The following KDM5A variants were observed in gnomAD, a reference collection of about 807,000 sequenced individuals.
KDM5A encodes lysine demethylase 5A, also known as lysine-specific demethylase 5A.
A neutral mutation model predicts 193.5 loss-of-function variants in KDM5A; 42 were observed. That is an observed-to-expected ratio of 0.22 (90% confidence interval 0.17 to 0.28). The LOEUF is 0.28. Ranked by LOEUF, KDM5A falls within the 10% of genes least tolerant of loss-of-function variation. The pLI, the probability that KDM5A is intolerant of heterozygous loss-of-function variation, is 1.00. For missense variants in KDM5A, 1,692 were observed against 2,055.1 expected, an observed-to-expected ratio of 0.82 and a Z score of 3.42; for synonymous variants, 796 against 718.1, an observed-to-expected ratio of 1.11 and a Z score of -1.73.
At position 306,378 on chromosome 12, in the gene KDM5A, C is replaced by T. The variant is rs1289052547; in HGVS notation, c.4074+568G>A. On this transcript the variant is annotated intron_variant, in intron 24 of 27. Transcript: ENST00000399788. ...CAAGAAAGCTTTACATATTGTTTTT[C>T]TAGTTCCTCTAAGCCATAAGGGATT... Among the ~76,000 whole-genome samples, 5 of 152,154 alleles carry T rather than the reference C, an allele frequency of 3.3e-5. No individual in the cohort carries two copies. The East Asian group carries it at 9.6e-4, about 29-fold the overall frequency.
intron 10 of KDM5A, among the ~76,000 whole-genome samples, chr12:348,962 A>G (rs1281265243): frequency 7.0e-6 from 1 of 142,838 alleles, no homozygotes; most frequent in African/African-American, 2.6e-5. Flanking sequence ...TTATAGGGGG[A>G]AAAAACACGC....
intron 1 of KDM5A, 137 bp downstream of exon 1, chr12:388,790 C>G (rs1944682958): frequency 8.9e-7 from 1 of 1,127,474 alleles, no homozygotes; most frequent in African/African-American, 1.5e-5. Context: ...GAGGCAAAAA[C>G]ATCCAGAAAC....
rs187373979 is a variant in KDM5A at position 280,138 on chromosome 12, T to G, written c.*5318A>C. 1.3e-5 allele frequency: 3 copies of G among 230,988 alleles called. No homozygotes were observed. In the South Asian group the frequency reaches 5.5e-4, roughly 42 times the overall value. The allele number at this position is 230,988 out of a possible 1,614,324, so 14.3% of individuals were successfully genotyped here. ...TACAAGTGAGAAGGGGTGAAGAGAG[T>G]GAAATTCCAAAATCACTCTAGTTTA... On this transcript the variant is annotated 3_prime_UTR_variant, in exon 28 of 28. Coordinates refer to ENST00000399788, the MANE Select transcript of KDM5A (RefSeq NM_001042603.3).
intron 8 of KDM5A, 78 bp from the exon 9 acceptor site, chr12:352,402 C>A (rs1454831384): frequency 4.6e-6 from 6 of 1,313,158 alleles, no homozygotes; most frequent in Admixed American, 1.7e-5. Flanking sequence ...TTACTAAATT[C>A]TTTGATCATT....
At chr12:378,008 T>C (rs1012634893) in intron 3 of KDM5A, among the ~76,000 whole-genome samples, 3 of 152,214 alleles carry the variant, frequency 2.0e-5, no homozygotes, top group African/African-American at 7.2e-5. Context: ...TAATAAAAAT[T>C]AATGTAACTA....
At chr12:322,333 G>C (rs562976913) in intron 17 of KDM5A, 84 bp downstream of exon 17, 2 of 1,270,132 alleles carry the variant, frequency 1.6e-6, no homozygotes, top group Admixed American at 3.7e-5. Context: ...GATAATGTAC[G>C]GCTTCACAGG....
chr12:307,373 A>G lies in KDM5A; in HGVS notation c.3930+81T>C. ...CAAGTTACTGTTATTTTCCTAATCAATTGGTAAGACAGACTCAATTTACTA... is the reference window on the plus strand; with the variant it reads ...CAAGTTACTGTTATTTTCCTAATCAGTTGGTAAGACAGACTCAATTTACTA... On this transcript the variant is annotated intron_variant, in intron 23 of 27. Coordinates refer to ENST00000399788, the MANE Select transcript of KDM5A (RefSeq NM_001042603.3). This position sits in a 1 kb window ranked among gnomAD's most constrained non-coding sequence, Gnocchi z 4.3. 1 of 1,428,206 alleles carries G rather than the reference A, an allele frequency of 7.0e-7. No individual in the cohort carries two copies. The highest frequency in any genetic ancestry group is 9.8e-7 in the Non-Finnish European group (1 of 1,015,378). The allele number at this position is 1,428,206 out of a possible 1,614,324, so 88.5% of individuals were successfully genotyped here. A position where few individuals can be genotyped will look rare whatever the true frequency, so the allele number is the denominator to read the frequency against.
intron 10 of KDM5A, among the ~76,000 whole-genome samples, chr12:338,652 G>A (rs954229569): frequency 1.3e-5 from 2 of 152,150 alleles, no homozygotes; most frequent in South Asian, 4.1e-4. Flanking sequence ...ATACAACATC[G>A]ATATACAACC....
Position 284,822 on chromosome 12 carries a change from A to C in KDM5A, c.*634T>G, listed in dbSNP as rs1214341787. Reference sequence around the variant, plus strand: ...ATCCTCATCTTACAAAGATAAGGTGACCTGCCCCAGCTTGTGAGAGGTTCT... The same window carrying C: ...ATCCTCATCTTACAAAGATAAGGTGCCCTGCCCCAGCTTGTGAGAGGTTCT... On this transcript the variant is annotated 3_prime_UTR_variant, in exon 28 of 28. Coordinates refer to ENST00000399788, the MANE Select transcript of KDM5A (RefSeq NM_001042603.3). The C allele has an allele frequency of 4.3e-6, 1 of 233,944 alleles. No individual in the cohort carries two copies. The highest frequency in any genetic ancestry group is 8.4e-6 in the Non-Finnish European group (1 of 118,514). The allele number at this position is 233,944 out of a possible 1,614,324, so 14.5% of individuals were successfully genotyped here.
intron 8 of KDM5A, among the ~76,000 whole-genome samples, chr12:353,759 T>TA (rs1269644147): frequency 6.6e-6 from 1 of 151,364 alleles, no homozygotes; most frequent in Admixed American, 6.6e-5. Context: ...TGGTCTCTAC[T>TA]AAAAATACAA....
intron 8 of KDM5A, 25 bp from the exon 9 acceptor site, chr12:352,349 T>G: frequency 1.2e-6 from 2 of 1,607,124 alleles, no homozygotes; most frequent in Non-Finnish European, 1.7e-6. Flanking sequence ...TATGTAAGAT[T>G]AACTTACTGA....
intron 20 of KDM5A, among the ~76,000 whole-genome samples, chr12:312,570 T>C (rs1272312598): frequency 2.0e-5 from 3 of 152,204 alleles, no homozygotes; most frequent in Non-Finnish European, 4.4e-5. Flanking sequence ...AGGTAATAAT[T>C]ATTCTAAATT....
intron 2 of KDM5A, among the ~76,000 whole-genome samples, chr12:385,406 T>TA (rs1388669738): frequency 6.6e-6 from 1 of 151,814 alleles, no homozygotes; most frequent in African/African-American, 2.4e-5. Flanking sequence ...TAGTAATACT[T>TA]AAAGTAATTA....
chr12:328,459 G>A (rs1320759373), intron 14 of KDM5A, among the ~76,000 whole-genome samples: 1 of 151,932 alleles, frequency 6.6e-6, no homozygotes, highest in Non-Finnish European at 1.5e-5. Context: ...TACTTAAAGG[G>A]GAGGGAAAAA....
At chr12:322,352 A>C in intron 17 of KDM5A, 65 bp downstream of exon 17, 1 of 1,518,758 alleles carries the variant, frequency 6.6e-7, no homozygotes, top group Non-Finnish European at 9.0e-7. Context: ...GGCCGGATAA[A>C]ATTTTGGTTT....
chr12:364,764 G>A (rs1323929044), intron 4 of KDM5A, among the ~76,000 whole-genome samples: 8 of 128,224 alleles, frequency 6.2e-5, no homozygotes, highest in African/African-American at 9.1e-5. Context: ...CAGCCTGGGC[G>A]ACGGAGTCTC....
At chr12:378,451 G>C (rs1305434060) in intron 3 of KDM5A, among the ~76,000 whole-genome samples, 2 of 151,940 alleles carry the variant, frequency 1.3e-5, no homozygotes, top group Non-Finnish European at 2.9e-5. Context: ...GTAGAGACGG[G>C]GTCTCCCTAT....
chr12:327,855 A>C (rs1943811919), intron 14 of KDM5A, among the ~76,000 whole-genome samples: 1 of 152,228 alleles, frequency 6.6e-6, no homozygotes, highest in Non-Finnish European at 1.5e-5. Context: ...ACTACGAAAA[A>C]TTTAAAAATT....
At chr12:300,325 C>A (rs1374949819) in intron 24 of KDM5A, among the ~76,000 whole-genome samples, 1 of 152,086 alleles carries the variant, frequency 6.6e-6, no homozygotes, top group Non-Finnish European at 1.5e-5. Flanking sequence ...GAAATAATAA[C>A]AAACAGTCTC....
Sources: allele counts gnomAD v4.1 joint callset (sites outside exome capture counted in the v4.1 genomes callset), GRCh38; gene constraint gnomAD v4.1.1; non-coding constraint Gnocchi (gnomAD v3.1); transcripts MANE v1.5; gene names NCBI Gene and HGNC (gene_info 2026-07-23, HGNC 2026-07-21).